Variants in UBAP2 observed in about 807,000 individuals in gnomAD.
UBAP2 encodes ubiquitin associated protein 2, also known as ubiquitin-associated protein 2.
UBAP2 carries 75 observed loss-of-function variants against 139.6 expected under a neutral mutation model. The ratio of observed to expected loss-of-function variants is 0.54; its 90% CI spans 0.45 to 0.65. The LOEUF is 0.65. Among genes scored for constraint, UBAP2 ranks in the 30% least tolerant of loss-of-function variants. The pLI is 0.00. For missense variants in UBAP2, 1,368 were observed against 1,369.6 expected (o/e 1.00, Z 0.02); for synonymous variants, 526 against 526.2 (o/e 1.00, Z 0.01).
At chr9:34,042,065 G>A (rs2131373706) in intron 1 of UBAP2, among the ~76,000 whole-genome samples, 1 of 152,236 alleles carries the variant, frequency 6.6e-6, no homozygotes, top group African/African-American at 2.4e-5. Flanking sequence ...AAGCATGTAA[G>A]AGTGAAAGAA....
At chr9:33,993,530 A>T (rs757692633) in intron 4 of UBAP2, among the ~76,000 whole-genome samples, 2 of 152,166 alleles carry the variant, frequency 1.3e-5, no homozygotes, top group Non-Finnish European at 2.9e-5. Context: ...TGATTAGCCA[A>T]GCGTAGTGGC....
At chr9:34,038,615 C>T (rs980402216) in intron 1 of UBAP2, among the ~76,000 whole-genome samples, 2 of 152,158 alleles carry the variant, frequency 1.3e-5, no homozygotes, top group African/African-American at 2.4e-5. Flanking sequence ...AGTGCAGTGG[C>T]GTGATCTCGG....
Position 33,948,460 on chromosome 9 carries a change from T to C in UBAP2, c.1184A>G (p.Gln395Arg). 1 of 1,614,224 alleles carries C rather than the reference T, an allele frequency of 6.2e-7. No homozygotes were observed. The highest frequency in any genetic ancestry group is 8.5e-7 in the Non-Finnish European group (1 of 1,180,032). Residue 395 changes from glutamine to arginine, a missense_variant, in exon 13 of 29, where the codon CAG becomes CGG. Gln to Arg is a conservative substitution (Grantham distance 43). Transcript: ENST00000379238. ...TGTAGGGTGACTTGTACTATTCTGC[T>C]GTGTACTTGGGGTGGTGGTAAACTG... is the stretch of plus-strand genomic sequence containing the variant. ...LGQFTTTPSTQQNSTSHPTTT... is the reference protein window; with the variant it reads ...LGQFTTTPSTRQNSTSHPTTT...
rs755644818 is a variant in UBAP2 at position 34,017,015 on chromosome 9, A to AG, written c.99+34dup. The AG allele has an allele frequency of 9.0e-5, 113 of 1,254,682 alleles. 1 individual carries two copies. The African/African-American group carries it at 1.6e-3, about 18-fold the overall frequency. 77.7% of individuals were successfully genotyped at this position (1,254,682 alleles called of 1,614,324 possible). On this transcript the variant is annotated intron_variant, in intron 2 of 28. Coordinates refer to ENST00000379238, the MANE Select transcript of UBAP2 (RefSeq NM_001370062.2). ...CAAGTATAATAATAAAAGAAAAAAAAGGAAAAAAAAAAAAAGAGTTCCACA... is the reference window on the plus strand; with the variant it reads ...CAAGTATAATAATAAAAGAAAAAAAAGGGAAAAAAAAAAAAAGAGTTCCACA...
chr9:33,999,907 T>TATGTATGTATGTATG (rs56853849), intron 2 of UBAP2, among the ~76,000 whole-genome samples: 59 of 77,822 alleles, frequency 7.6e-4, no homozygotes, highest in East Asian at 1.8e-3. Flanking sequence ...TGTATGTATG[T>TATGTATGTATGTATG]TATTTTGAGA....
chr9:34,046,411 A>T (rs950028184), intron 1 of UBAP2, among the ~76,000 whole-genome samples: 1 of 152,076 alleles, frequency 6.6e-6, no homozygotes, highest in African/African-American at 2.4e-5. Context: ...GCACTTTGGG[A>T]GGCAGGCGGA....
intron 2 of UBAP2, among the ~76,000 whole-genome samples, chr9:34,002,849 T>C (rs1377369165): frequency 6.6e-6 from 1 of 150,522 alleles, no homozygotes; most frequent in Non-Finnish European, 1.5e-5. Context: ...ACACGACACC[T>C]GGTTAATGTT....
At chr9:33,948,710 AAAATATAAC>A in intron 12 of UBAP2, 123 bp from the exon 13 acceptor site, 1 of 713,452 alleles carries the variant, frequency 1.4e-6, no homozygotes, top group Non-Finnish European at 2.2e-6. Context: ...ATGAATTACT[AAAATATAAC>A]TTAGAAAATA....
At chr9:34,033,148 TGAA>T (rs1826034373) in intron 1 of UBAP2, among the ~76,000 whole-genome samples, 1 of 152,164 alleles carries the variant, frequency 6.6e-6, no homozygotes, top group Non-Finnish European at 1.5e-5. Context: ...ATCAGTATAT[TGAA>T]GAAATATCTG....
intron 5 of UBAP2, among the ~76,000 whole-genome samples, chr9:33,987,916 C>T (rs1016561755): frequency 2.6e-5 from 4 of 152,130 alleles, no homozygotes; most frequent in Admixed American, 6.5e-5. Context: ...AAGATGCCAA[C>T]ACGCAGTCTT....
intron 6 of UBAP2, among the ~76,000 whole-genome samples, chr9:33,986,232 T>C (rs1195365869): frequency 6.6e-6 from 1 of 151,904 alleles, no homozygotes; most frequent in Non-Finnish European, 1.5e-5. Context: ...TTTATATTTT[T>C]TGGTAGAGAC....
chr9:34,049,115 T>C (rs1039254431), upstream of UBAP2, among the ~76,000 whole-genome samples: 4 of 152,182 alleles, frequency 2.6e-5, no homozygotes, highest in African/African-American at 9.7e-5. Flanking sequence ...ATAATATGTA[T>C]TGTACTCGGA....
At chr9:34,018,695 C>G (rs1315180682) in intron 1 of UBAP2, among the ~76,000 whole-genome samples, 1 of 152,032 alleles carries the variant, frequency 6.6e-6, no homozygotes, top group African/African-American at 2.4e-5. Flanking sequence ...AACCCCGTCT[C>G]TACTAAAAAT....
intron 12 of UBAP2, among the ~76,000 whole-genome samples, chr9:33,949,867 AG>A (rs1296065240): frequency 6.6e-6 from 1 of 152,242 alleles, no homozygotes; most frequent in African/African-American, 2.4e-5. Context: ...CAAGTTGTTT[AG>A]ATGACTAAGA....
At position 33,944,572 on chromosome 9, in the gene UBAP2, G is replaced by A. The variant is rs1825508768; in HGVS notation, c.1338C>T (p.Ser446=). 6.2e-7 allele frequency: 1 copy of A among 1,614,144 alleles called. No individual in the cohort carries two copies. Among genetic ancestry groups the A allele is most frequent in the Admixed American group, 1.7e-5 (1 of 60,010 alleles). Residue 446 remains serine (S), a synonymous_variant, in exon 14 of 29, where the codon AGC becomes AGT. Coordinates refer to ENST00000379238, the MANE Select transcript of UBAP2 (RefSeq NM_001370062.2). ...CAGGAGGAGGAACAGTGACTGCCTG[G>A]CTCTGGTGCTGTTGTCGCTGGCTCA... ...SQLSQRQQHQ[S]QAVTVPPPGL... is the part of the protein sequence containing the mutation.
chr9:33,954,269 T>TACACACACAC (rs60078088), intron 11 of UBAP2, among the ~76,000 whole-genome samples: 2,553 of 139,850 alleles, frequency 0.018, 41 homozygotes, highest in Admixed American at 0.042. Flanking sequence ...TGTGTGTATA[T>TACACACACAC]ACACACACAC....
intron 4 of UBAP2, among the ~76,000 whole-genome samples, chr9:33,993,973 C>A (rs1460924432): frequency 1.3e-5 from 2 of 150,570 alleles, no homozygotes; most frequent in East Asian, 2.0e-4. Flanking sequence ...CGGCTCACTA[C>A]AACCTCTGCT....
rs10971832 is a variant in UBAP2 at position 33,985,086 on chromosome 9, G to A, written c.520+1674C>T. ...ATCAAAAACAAAAAATTGAATTACC[G>A]TATGATCCAGCAATCCCATTAGCAG... On this transcript the variant is annotated intron_variant, in intron 6 of 28. Transcript: ENST00000379238. 3.3e-3 allele frequency among the ~76,000 whole-genome samples: 503 copies of A among 152,226 alleles called. 20 individuals carry two copies. The East Asian group carries it at 0.088, about 27-fold the overall frequency.
intron 6 of UBAP2, among the ~76,000 whole-genome samples, chr9:33,981,855 G>GGGAAGGAAGGAAGGAA (rs148902332): frequency 4.3e-5 from 6 of 138,842 alleles, no homozygotes; most frequent in African/African-American, 1.7e-4. Flanking sequence ...AAGGGAGGGA[G>GGGAAGGAAGGAAGGAA]GGAAGGAAGG....
Sources: allele counts gnomAD v4.1 joint callset (sites outside exome capture counted in the v4.1 genomes callset), GRCh38; gene constraint gnomAD v4.1.1; transcripts MANE v1.5; gene names NCBI Gene and HGNC (gene_info 2026-07-23, HGNC 2026-07-21).